WWC1: variants seen among roughly 807,000 people sequenced by gnomAD.
WWC1 encodes the protein protein KIBRA.
A neutral mutation model predicts 138.4 loss-of-function variants in WWC1; 55 were observed. That is an observed-to-expected ratio of 0.40 (90% confidence interval 0.32 to 0.50). The LOEUF is 0.50. WWC1 is among the 20% of genes least tolerant of loss of function. The pLI, the probability that WWC1 is intolerant of heterozygous loss-of-function variation, is 0.72. For synonymous variants in WWC1, 524 were observed against 564.9 expected (o/e 0.93, Z 1.03); for missense variants, 1,226 against 1,420.4 (o/e 0.86, Z 2.20).
intron 12 of WWC1, 87 bp downstream of exon 12, chr5:168,428,228 G>A (rs978463949): frequency 2.0e-5 from 28 of 1,378,042 alleles, no homozygotes; most frequent in Non-Finnish European, 2.8e-5. Context: ...AGAGGCTTAG[G>A]TTTTGGCCCC....
chr5:168,441,843 G>A lies in WWC1; in HGVS notation c.2433+9G>A. ...CAGGGCCTGCCAGCACGGTGAGCTG[G>A]GACCAGGTGTGCCACCTTCCCACAA... On this transcript the variant is annotated intron_variant, in intron 16 of 22. Transcript: ENST00000265293. 4 of 1,611,830 alleles carry A rather than the reference G, an allele frequency of 2.5e-6. No homozygotes were observed. The highest frequency in any genetic ancestry group is 3.4e-6 in the Non-Finnish European group (4 of 1,178,876).
At chr5:168,408,425 A>T in intron 6 of WWC1, 82 bp from the exon 7 acceptor site, 1 of 1,514,326 alleles carries the variant, frequency 6.6e-7, no homozygotes, top group Non-Finnish European at 9.0e-7. Flanking sequence ...GGGAGGGTAG[A>T]GAGGGAAGCA....
chr5:168,454,515 C>T (rs1561790543), intron 18 of WWC1, among the ~76,000 whole-genome samples: 1 of 152,238 alleles, frequency 6.6e-6, no homozygotes, highest in African/African-American at 2.4e-5. Context: ...GGTCTGCCCA[C>T]AGCGCGACAG....
At chr5:168,294,826 G>A (rs151156189) in intron 1 of WWC1, among the ~76,000 whole-genome samples, 4,595 of 152,202 alleles carry the variant, frequency 0.03, 70 homozygotes, top group Non-Finnish European at 0.048. Flanking sequence ...GGGTTTCACT[G>A]TGTTGCCCAG....
Position 168,428,695 on chromosome 5 carries a change from G to T in WWC1, c.1920-12G>T, listed in dbSNP as rs770671376. On this transcript the variant is annotated splice_polypyrimidine_tract_variant and intron_variant, in intron 12 of 22. Transcript: ENST00000265293. Reference sequence around the variant, plus strand: ...AGGGAAGCCTAACTCCTCCTCCCCTGTTGCCTTTCAGACTGGGTGCTTCAG... The same window carrying T: ...AGGGAAGCCTAACTCCTCCTCCCCTTTTGCCTTTCAGACTGGGTGCTTCAG... The T allele has an allele frequency of 6.2e-7, 1 of 1,613,840 alleles. No individual in the cohort carries two copies. Among genetic ancestry groups the T allele is most frequent in the Admixed American group, 1.7e-5 (1 of 60,012 alleles).
rs767219607 is a variant in WWC1 at position 168,444,484 on chromosome 5, G to T, written c.2434-10G>T. On this transcript the variant is annotated splice_polypyrimidine_tract_variant and intron_variant, in intron 16 of 22. Transcript: ENST00000265293. ...TGTACCCAATGACCCAGCAACCTTT[G>T]TCTCTATAGGACGCTGTGTCTGCTC... 54 of 1,560,070 alleles carry T rather than the reference G, an allele frequency of 3.5e-5. No individual in the cohort carries two copies. Among genetic ancestry groups the T allele is most frequent in the Non-Finnish European group, 4.6e-5 (53 of 1,150,996 alleles).
intron 19 of WWC1, among the ~76,000 whole-genome samples, chr5:168,456,950 TG>T (rs113627446): frequency 0.01 from 1,544 of 152,238 alleles, 19 homozygotes; most frequent in African/African-American, 0.036. Flanking sequence ...GTTTTTTAAG[TG>T]ACCCTTTTCC....
intron 1 of WWC1, among the ~76,000 whole-genome samples, chr5:168,354,924 G>T (rs976646952): frequency 1.4e-4 from 22 of 152,056 alleles, no homozygotes; most frequent in Non-Finnish European, 4.4e-5. Context: ...GCTTCAGGAG[G>T]TAAAAAGCAA....
rs946220485 is a variant in WWC1 at position 168,460,886 on chromosome 5, G to A, written c.2916+144G>A. 16 of 809,526 alleles carry A rather than the reference G, an allele frequency of 2.0e-5. 1 individual carries two copies. The highest frequency in any genetic ancestry group is 1.1e-4 in the East Asian group (4 of 37,156). The allele number at this position is 809,526 out of a possible 1,614,324, so 50.1% of individuals were successfully genotyped here. On this transcript the variant is annotated intron_variant, in intron 20 of 22. Transcript: ENST00000265293. The stretch of plus-strand genomic sequence containing the variant: ...AAATGTTGCTCTCTCAAGCATTTGC[G>A]AACAGATGTTTGTGAACTATGAGGC...
intron 3 of WWC1, among the ~76,000 whole-genome samples, chr5:168,390,794 G>A (rs113174632): frequency 1.8e-4 from 27 of 152,350 alleles, no homozygotes; most frequent in African/African-American, 5.8e-4. Flanking sequence ...CTGTCGACTC[G>A]CTGGTGTAAT....
Position 168,397,745 on chromosome 5 carries a change from G to T in WWC1, c.455G>T (p.Ser152Ile). 1.2e-6 allele frequency: 2 copies of T among 1,613,908 alleles called. No individual in the cohort carries two copies. The highest frequency in any genetic ancestry group is 1.1e-5 in the South Asian group (1 of 91,066). ...QVSLVSGSSS[S>I]SKYDPEILKA... is the part of the protein sequence containing the mutation. ...ACAGTGGTCTCTGGTTCATCATCCA[G>T]CTCCAAGTATGACCCTGAGATCCTG... Residue 152 changes from serine to isoleucine, a missense_variant, in exon 4 of 23, where the codon AGC becomes ATC. Physicochemically the swap from Ser to Ile is moderately radical, Grantham distance 142. This residue lies in a region of WWC1 where 1,016 missense variants were observed against 1,153.9 expected (regional missense o/e 0.88). Transcript: ENST00000265293.
chr5:168,446,472 A>T (rs949908446), intron 17 of WWC1, among the ~76,000 whole-genome samples: 1 of 152,314 alleles, frequency 6.6e-6, no homozygotes, highest in Admixed American at 6.5e-5. Flanking sequence ...TGGATTTTTC[A>T]TGTTTTGTGT....
At position 168,395,367 on chromosome 5, in the gene WWC1, C is replaced by T. The variant is rs574022349; in HGVS notation, c.434-2357C>T. On this transcript the variant is annotated intron_variant, in intron 3 of 22. Transcript: ENST00000265293. ...TCTTCCCAGGTTATTGCCACACTGA[C>T]GACTCCTCTCTTCTTTCACCTTGTA... Among the ~76,000 whole-genome samples the T allele has an allele frequency of 3.9e-5, 6 of 152,298 alleles. 1 individual carries two copies. Among genetic ancestry groups the T allele is most frequent in the Non-Finnish European group, 5.9e-5 (4 of 68,026 alleles).
intron 16 of WWC1, 112 bp downstream of exon 16, chr5:168,441,946 G>A (rs1754812394): frequency 2.1e-6 from 3 of 1,409,614 alleles, no homozygotes; most frequent in Non-Finnish European, 2.8e-6. Flanking sequence ...AGAACAATGG[G>A]GTGGAGGAAG....
At chr5:168,312,100 C>T (rs541533147) in intron 1 of WWC1, among the ~76,000 whole-genome samples, 22 of 150,652 alleles carry the variant, frequency 1.5e-4, no homozygotes, top group African/African-American at 5.1e-4. Flanking sequence ...TGCCTGTAAT[C>T]CCAGCTACTC....
intron 22 of WWC1, among the ~76,000 whole-genome samples, chr5:168,468,457 T>C (rs1757479782): frequency 6.6e-6 from 1 of 151,896 alleles, no homozygotes; most frequent in Non-Finnish European, 1.5e-5. Flanking sequence ...AGACTTCTGA[T>C]GTCCTCTCAA....
chr5:168,381,155 A>G (rs969352570), intron 2 of WWC1, among the ~76,000 whole-genome samples: 2 of 152,112 alleles, frequency 1.3e-5, no homozygotes, highest in Non-Finnish European at 2.9e-5. Context: ...TCGTGCACCC[A>G]TCTATTCTTA....
chr5:168,292,225 A>G lies in WWC1; in HGVS notation c.73A>G (p.Ile25Val), dbSNP rs1362117490. The G allele has an allele frequency of 1.9e-6, 3 of 1,590,000 alleles. No homozygotes were observed. Among genetic ancestry groups the G allele is most frequent in the Admixed American group, 1.7e-5 (1 of 57,212 alleles). Reference protein sequence around the residue: ...ARDFDGKVYYIDHTNRTTSWI... With the variant: ...ARDFDGKVYYVDHTNRTTSWI... ...CGACTTCGACGGCAAGGTCTACTAC[A>G]TAGACCACACGAACCGCACCACCAG... Residue 25 changes from isoleucine to valine, a missense_variant, in exon 1 of 23, where the codon ATA becomes GTA. Coordinates refer to ENST00000265293, the MANE Select transcript of WWC1 (RefSeq NM_015238.3). This position sits in a 1 kb window ranked among gnomAD's most constrained non-coding sequence, Gnocchi z 4.4.
At chr5:168,342,863 G>A (rs1350000307) in intron 1 of WWC1, among the ~76,000 whole-genome samples, 1 of 152,144 alleles carries the variant, frequency 6.6e-6, no homozygotes, top group African/African-American at 2.4e-5. Flanking sequence ...GCACAGTGGG[G>A]GCCCCTCAAG....
Sources: gnomAD v4.1 joint callset for allele counts (sites outside exome capture counted in the v4.1 genomes callset) on GRCh38, gnomAD v4.1.1 for gene constraint, gnomAD v4.1.1 regional missense constraint, Gnocchi (gnomAD v3.1) non-coding constraint, MANE v1.5 for transcripts, NCBI Gene and HGNC (gene_info 2026-07-23, HGNC 2026-07-21) for gene names.